ANKRD36: variants seen among roughly 807,000 people sequenced by gnomAD.
The protein encoded by ANKRD36 is ankyrin repeat domain-containing protein 36A.
ANKRD36 carries 179 observed loss-of-function variants against 278.1 expected under a neutral mutation model. That is an observed-to-expected ratio of 0.64 (90% confidence interval 0.57 to 0.73). The LOEUF is 0.73. Among genes scored for constraint, ANKRD36 ranks in the 30% least tolerant of loss-of-function variants. The pLI is 0.00. For synonymous variants in ANKRD36, 320 were observed against 641.1 expected (o/e 0.50, Z 7.57); for missense variants, 1,159 against 1,956.7 (o/e 0.59, Z 7.69).
chr2:97,117,938 A>G, intron 1 of ANKRD36, 126 bp from the exon 2 acceptor site: 1 of 1,340,564 alleles, frequency 7.5e-7, no homozygotes, highest in Non-Finnish European at 1.0e-6. Flanking sequence ...TGTGGTGAGT[A>G]ATAAGCGCTA....
At chr2:97,240,972 A>ACATAACT (rs2074224815) in intron 68 of ANKRD36, among the ~76,000 whole-genome samples, 1 of 116,534 alleles carries the variant, frequency 8.6e-6, no homozygotes, top group South Asian at 4.0e-4. Context: ...TTATGCAATC[A>ACATAACT]CATAACTATG....
At chr2:97,150,817 T>C (rs1206819948) in intron 12 of ANKRD36, among the ~76,000 whole-genome samples, 2 of 152,256 alleles carry the variant, frequency 1.3e-5, no homozygotes, top group African/African-American at 4.8e-5. Flanking sequence ...ACATTACTCT[T>C]TCAAATTCTG....
At chr2:97,117,966 T>G (rs1481566623) in intron 1 of ANKRD36, 98 bp from the exon 2 acceptor site, 7 of 1,472,576 alleles carry the variant, frequency 4.8e-6, no homozygotes, top group Non-Finnish European at 6.3e-6. Flanking sequence ...TTGTACTTTC[T>G]TCACAAGAAA....
intron 1 of ANKRD36, among the ~76,000 whole-genome samples, chr2:97,115,271 T>C (rs966244483): frequency 2.0e-5 from 3 of 152,118 alleles, no homozygotes; most frequent in African/African-American, 7.2e-5. Context: ...ATAAATTCGT[T>C]ATGGAATGTA....
intron 66 of ANKRD36, among the ~76,000 whole-genome samples, chr2:97,222,975 C>G (rs2068182942): frequency 6.6e-6 from 1 of 151,766 alleles, no homozygotes; most frequent in African/African-American, 2.4e-5. Flanking sequence ...CTTTGAATAA[C>G]AAAACCAAAA....
At chr2:97,124,109 G>A (rs2037856713) in intron 4 of ANKRD36, among the ~76,000 whole-genome samples, 1 of 151,308 alleles carries the variant, frequency 6.6e-6, no homozygotes, top group Non-Finnish European at 1.5e-5. Context: ...AGCTGATTTT[G>A]CATTATAATG....
intron 36 of ANKRD36, among the ~76,000 whole-genome samples, 187 bp from the exon 37 acceptor site, chr2:97,192,671 T>C (rs1342826513): frequency 6.6e-6 from 1 of 151,758 alleles, no homozygotes; most frequent in Non-Finnish European, 1.5e-5. Flanking sequence ...GTATATTTCA[T>C]GGAGCCTGTA....
At chr2:97,159,121 TCTC>T (rs2048225556) in intron 17 of ANKRD36, among the ~76,000 whole-genome samples, 1 of 151,922 alleles carries the variant, frequency 6.6e-6, no homozygotes, top group South Asian at 2.1e-4. Context: ...CAGTAGAATG[TCTC>T]CATATCAAAT....
intron 20 of ANKRD36, among the ~76,000 whole-genome samples, chr2:97,165,442 C>T (rs79453902): frequency 7.3e-3 from 461 of 62,822 alleles, no homozygotes; most frequent in South Asian, 0.017. Context: ...TATGTGGTTG[C>T]CTTTATTGAT....
At chr2:97,141,831 A>G (rs1191012792) in intron 6 of ANKRD36, among the ~76,000 whole-genome samples, 1 of 152,076 alleles carries the variant, frequency 6.6e-6, no homozygotes, top group East Asian at 1.9e-4. Context: ...GATTAATAAA[A>G]TGGTTATTTT....
intron 22 of ANKRD36, among the ~76,000 whole-genome samples, chr2:97,176,209 A>G (rs988286667): frequency 1.3e-5 from 2 of 151,794 alleles, no homozygotes; most frequent in Admixed American, 6.6e-5. Flanking sequence ...GATCTGTCCA[A>G]TGTTGACAGT....
chr2:97,220,746 TTAATTTTTAATTTTC>T (rs2067265614), intron 66 of ANKRD36, among the ~76,000 whole-genome samples: 2 of 139,044 alleles, frequency 1.4e-5, no homozygotes, highest in African/African-American at 5.7e-5. Flanking sequence ...TTTTTTTTTT[TTAATTTTTAATTTTC>T]TTTTTTTTTT....
chr2:97,217,126 G>A (rs769970793), intron 62 of ANKRD36, 51 bp from the exon 63 acceptor site: 15 of 1,537,590 alleles, frequency 9.8e-6, no homozygotes, highest in South Asian at 3.6e-5. Flanking sequence ...ATGTATGGAC[G>A]ACTTTGTCAT....
At chr2:97,179,546 G>A (rs1230359061) in intron 22 of ANKRD36, among the ~76,000 whole-genome samples, 192 bp from the exon 23 acceptor site, 1 of 151,600 alleles carries the variant, frequency 6.6e-6, no homozygotes, top group South Asian at 2.1e-4. Context: ...ATTTCTTGAA[G>A]CCTGTATTCC....
At chr2:97,194,122 G>A (rs1370891934) in intron 38 of ANKRD36, among the ~76,000 whole-genome samples, 3 of 151,538 alleles carry the variant, frequency 2.0e-5, no homozygotes, top group African/African-American at 7.3e-5. Context: ...AAGAAAATTA[G>A]GCAAATGATT....
intron 40 of ANKRD36, among the ~76,000 whole-genome samples, chr2:97,195,813 A>G (rs1322882065): frequency 5.9e-5 from 9 of 151,922 alleles, no homozygotes; most frequent in African/African-American, 2.2e-4. Flanking sequence ...GAATATTGGA[A>G]TGATTTCTGA....
chr2:97,123,051 T>G lies in ANKRD36; in HGVS notation c.593+58T>G, dbSNP rs1288870164. ...AAACCTGAGTGTCATTTTAGTGTGG[T>G]AGCAGTCCCTCAAGTCACAAATATT... is the stretch of plus-strand genomic sequence containing the variant. On this transcript the variant is annotated intron_variant, in intron 4 of 75. Transcript: ENST00000420699. 2.9e-6 allele frequency: 4 copies of G among 1,364,328 alleles called. No individual in the cohort carries two copies. In the East Asian group the frequency reaches 1.1e-4, roughly 38 times the overall value. 84.5% of individuals were successfully genotyped at this position (1,364,328 alleles called of 1,614,324 possible).
chr2:97,226,053 C>G (rs1230515261), intron 67 of ANKRD36, among the ~76,000 whole-genome samples: 3 of 151,802 alleles, frequency 2.0e-5, no homozygotes. Flanking sequence ...GGTTCCAAGT[C>G]TTTGCTATTG....
intron 50 of ANKRD36, among the ~76,000 whole-genome samples, chr2:97,205,477 G>A (rs377713719): frequency 3.3e-4 from 49 of 149,896 alleles, no homozygotes; most frequent in Non-Finnish European, 4.9e-4. Context: ...CATCATCGCA[G>A]TTGTGTGCCT....
Sources: gnomAD v4.1 joint callset for allele counts (sites outside exome capture counted in the v4.1 genomes callset) on GRCh38, gnomAD v4.1.1 for gene constraint, MANE v1.5 for transcripts, NCBI Gene and HGNC (gene_info 2026-07-23, HGNC 2026-07-21) for gene names.